The following NOXA1 variants were observed in gnomAD, a reference collection of about 807,000 sequenced individuals.
NOXA1 encodes NCF2-like protein.
A neutral mutation model predicts 64.8 loss-of-function variants in NOXA1; 56 were observed. The observed-to-expected ratio is 0.86, with a 90% CI of 0.70 to 1.08. The LOEUF (loss-of-function observed/expected upper bound fraction) is 1.08. Ranked by LOEUF, NOXA1 falls within the 50% of genes least tolerant of loss-of-function variation. NOXA1 has a pLI of 0.00. For synonymous variants in NOXA1, 295 were observed against 294.8 expected, an observed-to-expected ratio of 1.00 and a Z score of -0.01; for missense variants, 668 against 658.5, an observed-to-expected ratio of 1.01 and a Z score of -0.16.
Position 137,434,326 on chromosome 9 carries a change from G to A in NOXA1, c.1397G>A (p.Arg466His), listed in dbSNP as rs76775006. Residue 466 changes from arginine to histidine, a missense_variant, in exon 14 of 14, where the codon CGC becomes CAC. Arg to His is a conservative substitution (Grantham distance 29, BLOSUM62 0). Transcript: ENST00000683555. The stretch of plus-strand genomic sequence containing the variant: ...CCTCGGATGTCAGGAGCCCCCGGCC[G>A]CCTGCCCCGATCCCAGCAGGGAGAT... ...AGPRMSGAPGRLPRSQQGDQP is the reference protein window; with the variant it reads ...AGPRMSGAPGHLPRSQQGDQP 705 of 1,606,904 alleles carry A rather than the reference G, an allele frequency of 4.4e-4. 1 individual carries two copies. In the African/African-American group the frequency reaches 8.4e-3, roughly 19 times the overall value.
At position 137,431,021 on chromosome 9, in the gene NOXA1, G is replaced by A. The variant is rs1283752473; in HGVS notation, c.673-54G>A. The A allele has an allele frequency of 1.2e-6, 2 of 1,612,404 alleles. No homozygotes were observed. Among genetic ancestry groups the A allele is most frequent in the East Asian group, 2.2e-5 (1 of 44,896 alleles). Reference sequence around the variant, plus strand: ...ACCACTCTTCAAGGTTCAGGAGGAGGGAGGGCGGCCCCCGACCCTTAACCA... The same window carrying A: ...ACCACTCTTCAAGGTTCAGGAGGAGAGAGGGCGGCCCCCGACCCTTAACCA... On this transcript the variant is annotated intron_variant, in intron 6 of 13. Transcript: ENST00000683555. This position sits in a 1 kb window ranked among gnomAD's most constrained non-coding sequence, Gnocchi z 5.6.
chr9:137,428,226 G>A, intron 3 of NOXA1, 85 bp downstream of exon 3: 1 of 985,950 alleles, frequency 1.0e-6, no homozygotes, highest in Non-Finnish European at 1.5e-6. Flanking sequence ...CTGTGGACTG[G>A]GGAGCGCCTC....
Position 137,433,863 on chromosome 9 carries a change from G to C in NOXA1, c.1178G>C (p.Arg393Thr), listed in dbSNP as rs1429031654. The change falls in exon 12 of 14, where the codon AGG (arginine) becomes ACG (threonine). Residue 393 changes from arginine (R) to threonine (T), a missense_variant and splice_region_variant. Coordinates refer to ENST00000683555, the MANE Select transcript of NOXA1 (RefSeq NM_001256067.2). ...CCCAGGGGGCTGCAGCTGCAGTGCA[G>C]GGTGAGCCAAGGGCGAGGCAGGGGC... Reference protein sequence around the residue: ...ACPRGLQLQCRGAGGRPVLYQ... With the variant: ...ACPRGLQLQCTGAGGRPVLYQ... 6.8e-7 allele frequency: 1 copy of C among 1,464,144 alleles called. No homozygotes were observed. Among genetic ancestry groups the C allele is most frequent in the African/African-American group, 1.4e-5 (1 of 70,170 alleles). 90.7% of individuals were successfully genotyped at this position (1,464,144 alleles called of 1,614,324 possible). A position where few individuals can be genotyped will look rare whatever the true frequency, so the allele number is the denominator to read the frequency against.
At position 137,433,785 on chromosome 9, in the gene NOXA1, C is replaced by A; in HGVS notation, c.1100C>A (p.Pro367His). 1.4e-6 allele frequency: 2 copies of A among 1,454,934 alleles called. No homozygotes were observed. Among genetic ancestry groups the A allele is most frequent in the East Asian group, 2.5e-5 (1 of 40,088 alleles). 90.1% of individuals were successfully genotyped at this position (1,454,934 alleles called of 1,614,324 possible). The change falls in exon 12 of 14, where the codon CCC (proline) becomes CAC (histidine). Residue 367 changes from proline (P) to histidine (H), a missense_variant. Coordinates refer to ENST00000683555, the MANE Select transcript of NOXA1 (RefSeq NM_001256067.2). ...LAPGEDGHWV[P>H]IPEEESLQRA... is the part of the protein sequence containing the mutation. Reference sequence around the variant, plus strand: ...CCAGGTGAGGACGGGCACTGGGTCCCCATCCCCGAGGAGGAGTCGCTGCAG... The same window carrying A: ...CCAGGTGAGGACGGGCACTGGGTCCACATCCCCGAGGAGGAGTCGCTGCAG...
rs111638363 is a variant in NOXA1, at chr9:137,426,786, A to G, written c.260+456A>G. On this transcript the variant is annotated intron_variant, in intron 2 of 13. Coordinates refer to ENST00000683555, the MANE Select transcript of NOXA1 (RefSeq NM_001256067.2). ...TAGAAAAAATAAAATTCTGTAAAAGATATTTATTTACTTTTTAAAAATTGT... is the reference window on the plus strand; with the variant it reads ...TAGAAAAAATAAAATTCTGTAAAAGGTATTTATTTACTTTTTAAAAATTGT... Among the ~76,000 whole-genome samples, 143 of 152,312 alleles carry G rather than the reference A, an allele frequency of 9.4e-4. 1 individual carries two copies. Among genetic ancestry groups the G allele is most frequent in the African/African-American group, 3.3e-3 (138 of 41,574 alleles).
Position 137,423,513 on chromosome 9 carries a change from C to G in NOXA1, c.-17C>G. 1 of 1,328,612 alleles carries G rather than the reference C, an allele frequency of 7.5e-7. No individual in the cohort carries two copies. The highest frequency in any genetic ancestry group is 2.0e-5 in the South Asian group (1 of 49,266). The allele number at this position is 1,328,612 out of a possible 1,614,324, so 82.3% of individuals were successfully genotyped here. The stretch of plus-strand genomic sequence containing the variant: ...CGCGGGATCCTGGCCCCTCCTCGAG[C>G]GCCGCCACCGGCCGCCATGGCCTCT... On this transcript the variant is annotated 5_prime_UTR_variant, in exon 1 of 14. Coordinates refer to ENST00000683555, the MANE Select transcript of NOXA1 (RefSeq NM_001256067.2).
At chr9:137,430,942 C>T in intron 6 of NOXA1, 99 bp downstream of exon 6, 1 of 1,556,672 alleles carries the variant, frequency 6.4e-7, no homozygotes, top group Non-Finnish European at 8.8e-7. Flanking sequence ...CTGCGAAGTT[C>T]CTCTGATGGG....
chr9:137,429,028 C>T lies in NOXA1; in HGVS notation c.504+12C>T. On this transcript the variant is annotated intron_variant, in intron 4 of 13. Coordinates refer to ENST00000683555, the MANE Select transcript of NOXA1 (RefSeq NM_001256067.2). Reference sequence around the variant, plus strand: ...TGGACCAAGTGCAGGTGAGGAGTGCCAGCCCGGTCATGGTTTTGGGCTGGT... The same window carrying T: ...TGGACCAAGTGCAGGTGAGGAGTGCTAGCCCGGTCATGGTTTTGGGCTGGT... The T allele has an allele frequency of 1.3e-6, 2 of 1,535,300 alleles. No individual in the cohort carries two copies. The highest frequency in any genetic ancestry group is 1.8e-6 in the Non-Finnish European group (2 of 1,139,422).
Position 137,434,292 on chromosome 9 carries a change from C to T in NOXA1, c.1363C>T (p.Pro455Ser). Residue 455 changes from proline to serine, a missense_variant, in exon 14 of 14, where the codon CCC becomes TCC. Pro to Ser is a moderately conservative substitution (Grantham distance 74, BLOSUM62 -1). Transcript: ENST00000683555. ...CATCTTCCCCAAGTGCTTCGTGGTC[C>T]CCGCCGGCCCTCGGATGTCAGGAGC... ...IGIFPKCFVV[P>S]AGPRMSGAPG... The T allele has an allele frequency of 6.2e-7, 1 of 1,610,944 alleles. No individual in the cohort carries two copies. Among genetic ancestry groups the T allele is most frequent in the Non-Finnish European group, 8.5e-7 (1 of 1,179,566 alleles).
intron 1 of NOXA1, among the ~76,000 whole-genome samples, chr9:137,424,446 T>G (rs1261253044): frequency 6.6e-6 from 1 of 152,172 alleles, no homozygotes; most frequent in Admixed American, 6.5e-5. Flanking sequence ...ATTTTTTTGT[T>G]TGTTTCAAAG....
At chr9:137,432,472 C>G (rs967174202) in intron 8 of NOXA1, among the ~76,000 whole-genome samples, 1 of 152,074 alleles carries the variant, frequency 6.6e-6, no homozygotes, top group African/African-American at 2.4e-5. Context: ...CCCAGCTACT[C>G]AGGAGGCAGA....
intron 1 of NOXA1, among the ~76,000 whole-genome samples, chr9:137,424,247 C>T (rs1838735981): frequency 6.6e-6 from 1 of 152,202 alleles, no homozygotes; most frequent in Non-Finnish European, 1.5e-5. Context: ...CAGGCAGGTG[C>T]CCACGGTTAC....
In NOXA1 at chr9:137,429,281, G is replaced by A; in HGVS notation, c.510G>A (p.Arg170=). 1 of 1,555,550 alleles carries A rather than the reference G, an allele frequency of 6.4e-7. No individual in the cohort carries two copies. The highest frequency in any genetic ancestry group is 8.7e-7 in the Non-Finnish European group (1 of 1,149,480). ...TGGATACCCACCCCCTCCAGAGACG[G>A]GGCTCACTGCCGCCACGGCAGGTCC... ...LDSALDQVQR[R]GSLPPRQVPR... The change falls in exon 5 of 14, where the codon CGG becomes CGA. Residue 170 remains arginine (R), a synonymous_variant. Coordinates refer to ENST00000683555, the MANE Select transcript of NOXA1 (RefSeq NM_001256067.2).
chr9:137,426,386 T>C, intron 2 of NOXA1, 56 bp downstream of exon 2: 1 of 1,408,682 alleles, frequency 7.1e-7, no homozygotes, highest in Non-Finnish European at 1.0e-6. Context: ...CCCTGCAGAG[T>C]CCACTCCTGC....
rs996113335 is a variant in NOXA1, at chr9:137,431,975, C to T, written c.804+634C>T. Among the ~76,000 whole-genome samples, 2 of 152,168 alleles carry T rather than the reference C, an allele frequency of 1.3e-5. No individual in the cohort carries two copies. The highest frequency in any genetic ancestry group is 6.5e-5 in the Admixed American group (1 of 15,280). On this transcript the variant is annotated intron_variant, in intron 8 of 13. Coordinates refer to ENST00000683555, the MANE Select transcript of NOXA1 (RefSeq NM_001256067.2). The surrounding 1 kb of genome is among the most constrained non-coding windows in gnomAD (Gnocchi z 5.6). ...TATGGATGCCCACTTCCAGTTTAAC[C>T]GTGGCATCCCGGGGGCAAGGGCGCC...
At chr9:137,427,933 C>G in intron 2 of NOXA1, 100 bp from the exon 3 acceptor site, 1 of 763,898 alleles carries the variant, frequency 1.3e-6, no homozygotes, top group Non-Finnish European at 2.2e-6. Flanking sequence ...CTCCTTGGAA[C>G]CAGGTGTTGG....
chr9:137,424,974 C>G (rs1234859772), intron 1 of NOXA1, among the ~76,000 whole-genome samples: 1 of 152,234 alleles, frequency 6.6e-6, no homozygotes, highest in Non-Finnish European at 1.5e-5. Context: ...TAAAGCCGAT[C>G]ACGTGAGGGG....
At chr9:137,433,383 C>A in intron 10 of NOXA1, 70 bp from the exon 11 acceptor site, 1 of 1,519,814 alleles carries the variant, frequency 6.6e-7, no homozygotes, top group Non-Finnish European at 8.8e-7. Flanking sequence ...CCACACCCCT[C>A]GGGCTGAAGA....
Position 137,429,404 on chromosome 9 carries a change from C to G in NOXA1, c.612+21C>G, listed in dbSNP as rs1036576875. 6.0e-6 allele frequency: 9 copies of G among 1,510,300 alleles called. No homozygotes were observed. The Admixed American group carries it at 9.9e-5, about 17-fold the overall frequency. 93.6% of individuals were successfully genotyped at this position (1,510,300 alleles called of 1,614,324 possible). On this transcript the variant is annotated intron_variant, in intron 5 of 13. Coordinates refer to ENST00000683555, the MANE Select transcript of NOXA1 (RefSeq NM_001256067.2). The stretch of plus-strand genomic sequence containing the variant: ...CCAAGGTAAAGGTGGGGACGGCGTC[C>G]TGGGGCATGGCGGCTGGTGCTGAGC...
Sources: allele counts gnomAD v4.1 joint callset (sites outside exome capture counted in the v4.1 genomes callset), GRCh38; gene constraint gnomAD v4.1.1; non-coding constraint Gnocchi (gnomAD v3.1); transcripts MANE v1.5; gene names NCBI Gene and HGNC (gene_info 2026-07-23, HGNC 2026-07-21).